The following MPP3 variants were observed in gnomAD, a reference collection of about 807,000 sequenced individuals.
MPP3 encodes the protein MAGUK p55 scaffold protein 3, also known as MAGUK p55 subfamily member 3.
Under a neutral mutation model 80.7 loss-of-function variants are expected in MPP3, and 48 were observed. The observed-to-expected ratio is 0.59, with a 90% CI of 0.47 to 0.76. The LOEUF is 0.76. Ranked by LOEUF, MPP3 falls within the 30% of genes least tolerant of loss-of-function variation. The pLI is 0.00. For missense variants in MPP3, 620 were observed against 763.0 expected, an observed-to-expected ratio of 0.81 and a Z score of 2.21; for synonymous variants, 311 against 297.6, an observed-to-expected ratio of 1.04 and a Z score of -0.46.
chr17:43,810,266 G>A (rs1026935296), intron 18 of MPP3, among the ~76,000 whole-genome samples: 1 of 152,170 alleles, frequency 6.6e-6, no homozygotes, highest in Admixed American at 6.5e-5. Flanking sequence ...AGATGGTTAA[G>A]CCCCTGCTGA....
rs191175863 is a variant in MPP3 at position 43,830,126 on chromosome 17, G to C, written c.223-19C>G. 435 of 1,511,064 alleles carry C rather than the reference G, an allele frequency of 2.9e-4. No homozygotes were observed. In the African/African-American group the frequency reaches 5.5e-3, roughly 19 times the overall value. The allele number at this position is 1,511,064 out of a possible 1,614,324, so 93.6% of individuals were successfully genotyped here. A position where few individuals can be genotyped will look rare whatever the true frequency, so the allele number is the denominator to read the frequency against. Reference sequence around the variant, plus strand: ...CCATCACCTGCAGAGAATGAGACAGGCGCCACTGATGGCTAGAGGTGCCCC... The same window carrying C: ...CCATCACCTGCAGAGAATGAGACAGCCGCCACTGATGGCTAGAGGTGCCCC... On this transcript the variant is annotated intron_variant, in intron 5 of 19. Transcript: ENST00000398389.
chr17:43,816,034 T>C lies in MPP3; in HGVS notation c.1009+4A>G. 1 of 1,498,198 alleles carries C rather than the reference T, an allele frequency of 6.7e-7. No homozygotes were observed. Among genetic ancestry groups the C allele is most frequent in the Non-Finnish European group, 8.9e-7 (1 of 1,128,506 alleles). The allele number at this position is 1,498,198 out of a possible 1,614,324, so 92.8% of individuals were successfully genotyped here. On this transcript the variant is annotated splice_donor_region_variant and intron_variant, in intron 14 of 19. Coordinates refer to ENST00000398389, the MANE Select transcript of MPP3 (RefSeq NM_001932.6). ...GCATGTGGGTGTCAGGGGGAGCTACTTACCCACATAGTGCCCTTTGAGGTA... is the reference window on the plus strand; with the variant it reads ...GCATGTGGGTGTCAGGGGGAGCTACCTACCCACATAGTGCCCTTTGAGGTA...
At chr17:43,828,939 C>T (rs961142650) in intron 7 of MPP3, among the ~76,000 whole-genome samples, 1 of 152,162 alleles carries the variant, frequency 6.6e-6, no homozygotes. Flanking sequence ...GAGAGATCCT[C>T]GTCTGTTTGC....
chr17:43,824,034 G>A lies in MPP3; in HGVS notation c.610-29C>T, dbSNP rs144215147. 4.4e-5 allele frequency: 67 copies of A among 1,528,712 alleles called. No individual in the cohort carries two copies. The East Asian group carries it at 8.5e-4, about 19-fold the overall frequency. 94.7% of individuals were successfully genotyped at this position (1,528,712 alleles called of 1,614,324 possible). ...AAACGAAAGAGAACAGAAGCTTCTC[G>A]CCTACCAGGTCTAACCCTCCAAGAG... On this transcript the variant is annotated intron_variant, in intron 9 of 19. Transcript: ENST00000398389.
In MPP3 at chr17:43,801,732, G is replaced by A; in HGVS notation, c.1727C>T (p.Thr576Ile). The A allele has an allele frequency of 6.2e-7, 1 of 1,614,128 alleles. No homozygotes were observed. The highest frequency in any genetic ancestry group is 1.3e-5 in the African/African-American group (1 of 75,044). ...KVVLEKLSKDTHWVPVSWVR is the reference protein window; with the variant it reads ...KVVLEKLSKDIHWVPVSWVR ...GACCCAACTAACAGGTACCCAGTGA[G>A]TGTCCTTGCTCAGCTTCTCTAAGAC... is the stretch of plus-strand genomic sequence containing the variant. Residue 576 changes from threonine to isoleucine, a missense_variant, in exon 20 of 20, where the codon ACT (threonine) becomes ATT (isoleucine). By Grantham distance (89) the Thr-to-Ile change is moderately conservative. Transcript: ENST00000398389.
At chr17:43,827,207 G>A (rs1226041093) in intron 8 of MPP3, among the ~76,000 whole-genome samples, 2 of 151,862 alleles carry the variant, frequency 1.3e-5, no homozygotes, top group African/African-American at 4.8e-5. Flanking sequence ...GTAGAGATGG[G>A]GTTTCTCTGT....
intron 11 of MPP3, among the ~76,000 whole-genome samples, chr17:43,820,452 C>A (rs2045378559): frequency 6.6e-6 from 1 of 151,778 alleles, no homozygotes; most frequent in Admixed American, 6.6e-5. Flanking sequence ...ATTAGCCAGG[C>A]ATGGTGGTGC....
At position 43,825,837 on chromosome 17, in the gene MPP3, C is replaced by G; in HGVS notation, c.528G>C (p.Leu176=). 1 of 1,606,052 alleles carries G rather than the reference C, an allele frequency of 6.2e-7. No individual in the cohort carries two copies. The highest frequency in any genetic ancestry group is 1.1e-5 in the South Asian group (1 of 90,904). The change falls in exon 9 of 20, where the codon CTG becomes CTC. Residue 176 remains leucine, a synonymous_variant. Coordinates refer to ENST00000398389, the MANE Select transcript of MPP3 (RefSeq NM_001932.6). ...MRGGAADRSG[L]VHVGDELREV... is the part of the protein sequence containing the mutation. ...CTCGGAGCTCATCTCCAACGTGGAC[C>G]AGGCCTAGGAGACACAGGGACTGAC...
chr17:43,810,797 A>G lies in MPP3; in HGVS notation c.1458+10T>C, dbSNP rs1319262023. 1 of 1,582,652 alleles carries G rather than the reference A, an allele frequency of 6.3e-7. No homozygotes were observed. Among genetic ancestry groups the G allele is most frequent in the Non-Finnish European group, 8.6e-7 (1 of 1,162,628 alleles). Reference sequence around the variant, plus strand: ...TTAACCAGAAATGGCCAGCAGGCCCAGCAACTCACTTCTGGCTCCACATCC... The same window carrying G: ...TTAACCAGAAATGGCCAGCAGGCCCGGCAACTCACTTCTGGCTCCACATCC... On this transcript the variant is annotated intron_variant, in intron 18 of 19. Transcript: ENST00000398389.
At chr17:43,822,125 G>A (rs1412377206) in intron 10 of MPP3, among the ~76,000 whole-genome samples, 5 of 152,152 alleles carry the variant, frequency 3.3e-5, no homozygotes, top group Admixed American at 3.3e-4. Flanking sequence ...TTGCATGTGC[G>A]GACCACATTC....
intron 18 of MPP3, among the ~76,000 whole-genome samples, chr17:43,809,505 C>T (rs889983629): frequency 6.6e-6 from 1 of 152,148 alleles, no homozygotes; most frequent in Non-Finnish European, 1.5e-5. Flanking sequence ...TATTACATCT[C>T]CTCTTGGTAT....
chr17:43,832,190 A>C, intron 2 of MPP3: 1 of 503,378 alleles, frequency 2.0e-6, no homozygotes, highest in South Asian at 2.9e-5. Context: ...AGTCCTGAGA[A>C]ATGACTGCGA....
At chr17:43,827,314 CT>C (rs1175236345) in intron 8 of MPP3, among the ~76,000 whole-genome samples, 170 of 119,582 alleles carry the variant, frequency 1.4e-3, no homozygotes, top group Middle Eastern at 0.011. Context: ...CTGTGCCTGG[CT>C]TTTTTTTTTT....
intron 15 of MPP3, 50 bp from the exon 16 acceptor site, chr17:43,814,141 C>A (rs370502957): frequency 1.2e-6 from 2 of 1,604,698 alleles, no homozygotes; most frequent in Admixed American, 1.7e-5. Flanking sequence ...GCTCCCTCCC[C>A]ACCTGCTCCA....
chr17:43,827,059 A>G (rs999690009), intron 8 of MPP3, among the ~76,000 whole-genome samples: 2 of 151,834 alleles, frequency 1.3e-5, no homozygotes, highest in African/African-American at 4.8e-5. Context: ...CTTGTTGCCC[A>G]GGCGGGAGCG....
chr17:43,808,786 T>C (rs999316300), intron 19 of MPP3, among the ~76,000 whole-genome samples, 170 bp downstream of exon 19: 1 of 145,958 alleles, frequency 6.9e-6, no homozygotes, highest in Non-Finnish European at 1.5e-5. Flanking sequence ...CTTCTGGCCA[T>C]GTAATCATCT....
chr17:43,830,037 G>T lies in MPP3; in HGVS notation c.293C>A (p.Pro98Gln). 6.3e-7 allele frequency: 1 copy of T among 1,598,430 alleles called. No homozygotes were observed. ...ERELLQLLST[P>Q]HLRAVLMVHD... ...GCTCTGTGTGACTACCCTCAGGTGC[G>T]GGGTGGACAGCAGCTGGAGCAGCTC... Residue 98 changes from proline to glutamine, a missense_variant, in exon 6 of 20, where the codon CCG becomes CAG. Pro to Gln is a moderately conservative substitution (Grantham distance 76). Transcript: ENST00000398389.
In MPP3 at chr17:43,820,876, C is replaced by T; in HGVS notation, c.867G>A (p.Lys289=). ...TNLRAGLIPS[K]GFQERRLSYR... ...CCCAGACCCACCTCTCCTGGAACCC[C>T]TTGGAGGGGATGAGGCCGGCTCGAA... is the stretch of plus-strand genomic sequence containing the variant. The change falls in exon 11 of 20, where the codon AAG becomes AAA. Residue 289 remains lysine, a synonymous_variant. Coordinates refer to ENST00000398389, the MANE Select transcript of MPP3 (RefSeq NM_001932.6). 1 of 1,614,196 alleles carries T rather than the reference C, an allele frequency of 6.2e-7. No individual in the cohort carries two copies. Among genetic ancestry groups the T allele is most frequent in the Non-Finnish European group, 8.5e-7 (1 of 1,180,018 alleles).
At chr17:43,829,345 G>A (rs1259832831) in intron 7 of MPP3, among the ~76,000 whole-genome samples, 1 of 152,228 alleles carries the variant, frequency 6.6e-6, no homozygotes, top group Non-Finnish European at 1.5e-5. Flanking sequence ...TAAAAAATAA[G>A]CTGTGGGCTG....
Sources: gnomAD v4.1 joint callset for allele counts (sites outside exome capture counted in the v4.1 genomes callset) on GRCh38, gnomAD v4.1.1 for gene constraint, MANE v1.5 for transcripts, NCBI Gene and HGNC (gene_info 2026-07-23, HGNC 2026-07-21) for gene names.